The following LPAR1 variants were observed in gnomAD, a reference collection of about 807,000 sequenced individuals.
LPAR1 encodes the protein lysophosphatidic acid receptor 1, also known as LPA receptor 1.
A neutral mutation model predicts 23.8 loss-of-function variants in LPAR1; 5 were observed. The ratio of observed to expected loss-of-function variants is 0.21; its 90% CI spans 0.11 to 0.44. The LOEUF (loss-of-function observed/expected upper bound fraction) is 0.44, where lower values mean the gene tolerates loss of function less well. Among genes scored for constraint, LPAR1 ranks in the 20% least tolerant of loss-of-function variants. The probability of loss-of-function intolerance (pLI) is 0.99; values close to 1 mark genes in which losing one functional copy is unlikely to be tolerated. For synonymous variants in LPAR1, 160 were observed against 164.7 expected (o/e 0.97, Z 0.22); for missense variants, 311 against 482.8 (o/e 0.64, Z 3.33).
chr9:110,931,009 T>G (rs1339305633), intron 5 of LPAR1, among the ~76,000 whole-genome samples: 1 of 152,200 alleles, frequency 6.6e-6, no homozygotes, highest in Non-Finnish European at 1.5e-5. Flanking sequence ...AGCTTCCCTT[T>G]CCACTCTAAG....
intron 2 of LPAR1, among the ~76,000 whole-genome samples, chr9:111,033,567 T>C (rs974045711): frequency 6.6e-6 from 1 of 152,188 alleles, no homozygotes; most frequent in African/African-American, 2.4e-5. Context: ...CTTAAGTTTT[T>C]TGAGATGGAG....
intron 5 of LPAR1, among the ~76,000 whole-genome samples, chr9:110,939,237 T>C (rs1030782138): frequency 1.3e-5 from 2 of 152,198 alleles, no homozygotes; most frequent in Admixed American, 1.3e-4. Flanking sequence ...TCTGTTAGGA[T>C]TGTGACTTCC....
intron 5 of LPAR1, among the ~76,000 whole-genome samples, chr9:110,892,178 C>G (rs1471516585): frequency 6.6e-6 from 1 of 152,092 alleles, no homozygotes; most frequent in Non-Finnish European, 1.5e-5. Context: ...AGTAGTATTT[C>G]CAATCAATGG....
chr9:110,900,192 G>A (rs1047970307), intron 5 of LPAR1, among the ~76,000 whole-genome samples: 5 of 152,090 alleles, frequency 3.3e-5, no homozygotes, highest in African/African-American at 1.2e-4. Context: ...GTGTTAGCAG[G>A]GCTGTAATTC....
chr9:110,992,059 T>G (rs999079014), intron 2 of LPAR1, among the ~76,000 whole-genome samples: 2 of 151,872 alleles, frequency 1.3e-5, no homozygotes, highest in Admixed American at 1.3e-4. Flanking sequence ...ACAGAAAAAC[T>G]GAACTTCATT....
Position 110,991,449 on chromosome 9 carries a change from TTCTGTAATCTATAACTAGATAGAC to T in LPAR1, c.-181-17915_-181-17892del, listed in dbSNP as rs533388402. Reference sequence around the variant, plus strand: ...CACCTGACAGGGTTAGTGATTACACTTCTGTAATCTATAACTAGATAGACTCTTGCACCCAAACTTTGATGTGAT... The same window carrying T: ...CACCTGACAGGGTTAGTGATTACACTTCTTGCACCCAAACTTTGATGTGAT... On this transcript the variant is annotated intron_variant, in intron 2 of 5. Coordinates refer to ENST00000683809, the MANE Select transcript of LPAR1 (RefSeq NM_001351411.2). Among the ~76,000 whole-genome samples, 9 of 152,312 alleles carry T rather than the reference TTCTGTAATCTATAACTAGATAGAC, an allele frequency of 5.9e-5. No individual in the cohort carries two copies. The East Asian group carries it at 1.7e-3, about 29-fold the overall frequency.
intron 4 of LPAR1, among the ~76,000 whole-genome samples, chr9:110,968,743 C>T (rs902229489): frequency 2.0e-5 from 3 of 152,172 alleles, no homozygotes; most frequent in Admixed American, 6.5e-5. Context: ...ATTCTTGTAT[C>T]CCCCAGCCCT....
At chr9:110,955,488 AACACCCC>A (rs1467323046) in intron 4 of LPAR1, among the ~76,000 whole-genome samples, 1 of 152,142 alleles carries the variant, frequency 6.6e-6, no homozygotes, top group East Asian at 1.9e-4. Context: ...TGGTGACCTC[AACACCCC>A]ACTCTCAGCA....
intron 2 of LPAR1, among the ~76,000 whole-genome samples, chr9:111,008,303 C>T (rs2097260924): frequency 1.3e-5 from 2 of 152,076 alleles, no homozygotes; most frequent in South Asian, 4.1e-4. Flanking sequence ...TCTTCTAGCA[C>T]AAAAACATGT....
intron 5 of LPAR1, among the ~76,000 whole-genome samples, chr9:110,901,918 A>G (rs975619108): frequency 2.0e-5 from 3 of 152,210 alleles, no homozygotes; most frequent in African/African-American, 7.2e-5. Context: ...CTACCCAAAA[A>G]TAGTCCCTGC....
intron 5 of LPAR1, among the ~76,000 whole-genome samples, chr9:110,911,866 C>G (rs1016749734): frequency 6.6e-6 from 1 of 152,106 alleles, no homozygotes; most frequent in Non-Finnish European, 1.5e-5. Flanking sequence ...CCAAGGTATG[C>G]CTGTATCTTT....
intron 5 of LPAR1, among the ~76,000 whole-genome samples, chr9:110,938,154 A>C (rs1464792526): frequency 6.6e-6 from 1 of 152,250 alleles, no homozygotes; most frequent in African/African-American, 2.4e-5. Context: ...GAAAACAAAC[A>C]ATCATTACAA....
chr9:110,971,938 T>G (rs2096436287), intron 4 of LPAR1, 135 bp downstream of exon 4: 2 of 755,988 alleles, frequency 2.6e-6, no homozygotes, highest in Non-Finnish European at 4.5e-6. Flanking sequence ...AAAAGCACCA[T>G]TATTCGAATA....
In LPAR1 at chr9:111,038,385, C is replaced by A; in HGVS notation, c.-480G>T. On this transcript the variant is annotated 5_prime_UTR_variant, in exon 1 of 6. Coordinates refer to ENST00000683809, the MANE Select transcript of LPAR1 (RefSeq NM_001351411.2). The surrounding 1 kb of genome is among the most constrained non-coding windows in gnomAD (Gnocchi z 4.4). ...AGGGCTCCGCGGCTCCGGGCCCTGG[C>A]CGCCCCAGATCCGGCCCGCGCTCCG... 1 of 191,196 alleles carries A rather than the reference C, an allele frequency of 5.2e-6. No individual in the cohort carries two copies. Among genetic ancestry groups the A allele is most frequent in the South Asian group, 6.6e-5 (1 of 15,246 alleles). 11.8% of individuals were successfully genotyped at this position (191,196 alleles called of 1,614,324 possible). A position where few individuals can be genotyped will look rare whatever the true frequency, so the allele number is the denominator to read the frequency against.
At chr9:111,018,504 C>A (rs1188982593) in intron 2 of LPAR1, among the ~76,000 whole-genome samples, 1 of 152,168 alleles carries the variant, frequency 6.6e-6, no homozygotes, top group Non-Finnish European at 1.5e-5. Context: ...CTTCCATTTA[C>A]TGCATACTAT....
At position 110,920,984 on chromosome 9, in the gene LPAR1, T is replaced by A. The variant is rs564814937; in HGVS notation, c.793+20437A>T. On this transcript the variant is annotated intron_variant, in intron 5 of 5. Coordinates refer to ENST00000683809, the MANE Select transcript of LPAR1 (RefSeq NM_001351411.2). ...CAACAACAACAAATTTTTTTTTTTT[T>A]AATTAGCCAGACGTTACGGCGCTTG... 8.1e-5 allele frequency among the ~76,000 whole-genome samples: 12 copies of A among 148,898 alleles called. No individual in the cohort carries two copies. In the East Asian group the frequency reaches 2.3e-3, roughly 28 times the overall value.
upstream of LPAR1, chr9:111,038,799 A>G (rs764739871): frequency 1.2e-3 from 408 of 327,134 alleles, 1 homozygote; most frequent in Non-Finnish European, 2.2e-3. This position sits in a 1 kb window ranked among gnomAD's most constrained non-coding sequence, Gnocchi z 4.4. Flanking sequence ...CCCGCCCCCG[A>G]GTCGACACAC....
chr9:110,894,740 G>A (rs761257497), intron 5 of LPAR1, among the ~76,000 whole-genome samples: 6 of 152,166 alleles, frequency 3.9e-5, no homozygotes, highest in Non-Finnish European at 5.9e-5. Flanking sequence ...TAAGGGACAG[G>A]TGCAGTGGCT....
chr9:110,901,151 T>G (rs1334986089), intron 5 of LPAR1, among the ~76,000 whole-genome samples: 1 of 152,226 alleles, frequency 6.6e-6, no homozygotes, highest in Non-Finnish European at 1.5e-5. Context: ...TTTGACTAAC[T>G]GTCTTTAAAA....
Sources: gnomAD v4.1 joint callset for allele counts (sites outside exome capture counted in the v4.1 genomes callset) on GRCh38, gnomAD v4.1.1 for gene constraint, Gnocchi (gnomAD v3.1) non-coding constraint, MANE v1.5 for transcripts, NCBI Gene and HGNC (gene_info 2026-07-23, HGNC 2026-07-21) for gene names.